CSNK2A2: variants seen among roughly 807,000 people sequenced by gnomAD.
CSNK2A2 encodes casein kinase II subunit alpha'.
In CSNK2A2, 8 loss-of-function variants were observed where a neutral mutation model predicts 54.0. That is an observed-to-expected ratio of 0.15 (90% CI 0.09 to 0.27). The LOEUF (loss-of-function observed/expected upper bound fraction) is 0.27, where lower values mean the gene tolerates loss of function less well. CSNK2A2 is among the 10% of genes least tolerant of loss of function. The pLI, the probability that CSNK2A2 is intolerant of heterozygous loss-of-function variation, is 1.00. For missense variants in CSNK2A2, 242 were observed against 439.4 expected (o/e 0.55, Z 4.02); for synonymous variants, 141 against 153.9 (o/e 0.92, Z 0.62).
intron 3 of CSNK2A2, among the ~76,000 whole-genome samples, chr16:58,184,881 T>G (rs1404843228): frequency 1.3e-5 from 2 of 152,208 alleles, no homozygotes. Context: ...CGTGATATTA[T>G]CAATAAGCTA....
chr16:58,171,471 C>T (rs888315856), intron 5 of CSNK2A2, among the ~76,000 whole-genome samples: 14 of 151,750 alleles, frequency 9.2e-5, no homozygotes, highest in African/African-American at 2.9e-4. Context: ...TGCAGTGAGC[C>T]GAGATCATGC....
In CSNK2A2 at chr16:58,163,979, T is replaced by G. The variant is rs568101949; in HGVS notation, c.*17+75A>C. On this transcript the variant is annotated intron_variant, in intron 11 of 11. Transcript: ENST00000262506. ...AGAAGGAATGATAAGAATTTCTTTT[T>G]ATCACACTGTAGTTTTCCTTCAAGG... is the stretch of plus-strand genomic sequence containing the variant. 2.6e-6 allele frequency: 3 copies of G among 1,146,254 alleles called. No homozygotes were observed. In the East Asian group the frequency reaches 7.2e-5, roughly 28 times the overall value. The allele number at this position is 1,146,254 out of a possible 1,614,324, so 71.0% of individuals were successfully genotyped here.
chr16:58,186,707 T>G (rs1328091916), intron 3 of CSNK2A2, 48 bp downstream of exon 3: 2 of 1,373,050 alleles, frequency 1.5e-6, no homozygotes, highest in Admixed American at 3.5e-5. Flanking sequence ...AACTCCCATA[T>G]CCACACCCCG....
intron 5 of CSNK2A2, among the ~76,000 whole-genome samples, chr16:58,171,979 ATTTTTTTTTTT>A (rs746200172): frequency 1.5e-5 from 1 of 66,216 alleles, no homozygotes; most frequent in African/African-American, 8.4e-5. Flanking sequence ...ATATATATAT[ATTTTTTTTTTT>A]TTTTTTTTTT....
chr16:58,168,983 G>C (rs1172610813), intron 5 of CSNK2A2, among the ~76,000 whole-genome samples: 6 of 151,654 alleles, frequency 4.0e-5, no homozygotes, highest in Admixed American at 3.9e-4. Flanking sequence ...CTGGAGTGCA[G>C]TGGTGCAATC....
At chr16:58,167,071 ATCTT>A in intron 8 of CSNK2A2, 132 bp downstream of exon 8, 3 of 572,134 alleles carry the variant, frequency 5.2e-6, no homozygotes, top group Non-Finnish European at 8.9e-6. Context: ...ATTCTGTGCG[ATCTT>A]TATCTTGAAG....
chr16:58,195,098 G>C (rs1962401309), intron 2 of CSNK2A2, among the ~76,000 whole-genome samples: 1 of 151,236 alleles, frequency 6.6e-6, no homozygotes, highest in South Asian at 2.1e-4. Context: ...TTATTTCTTA[G>C]ATTTGAAGCA....
In CSNK2A2 at chr16:58,184,225, C is replaced by T. The variant is rs112704813; in HGVS notation, c.369+35G>A. The T allele has an allele frequency of 3.2e-4, 491 of 1,555,734 alleles. 3 individuals carry two copies. In the African/African-American group the frequency reaches 6.1e-3, roughly 19 times the overall value. ...ATTTATCACCAGCTCCCCCTCACCC[C>T]GTTAACCCCATGCCAGAAAGAAAAG... is the stretch of plus-strand genomic sequence containing the variant. On this transcript the variant is annotated intron_variant, in intron 4 of 11. Coordinates refer to ENST00000262506, the MANE Select transcript of CSNK2A2 (RefSeq NM_001896.4).
At chr16:58,168,561 T>C in intron 6 of CSNK2A2, 49 bp downstream of exon 6, 1 of 1,536,882 alleles carries the variant, frequency 6.5e-7, no homozygotes, top group Non-Finnish European at 9.0e-7. Context: ...CTTTTTGGTC[T>C]GCTCTAAGCC....
At chr16:58,181,260 C>A (rs1962032826) in intron 4 of CSNK2A2, among the ~76,000 whole-genome samples, 2 of 152,216 alleles carry the variant, frequency 1.3e-5, no homozygotes, top group Non-Finnish European at 2.9e-5. Context: ...CAGCTTCAAA[C>A]TGAACAACCT....
At chr16:58,161,631 G>C (rs551848806) in intron 11 of CSNK2A2, 1 of 151,998 alleles carries the variant, frequency 6.6e-6, no homozygotes, top group South Asian at 2.1e-4. Context: ...TAGGTAAATA[G>C]TCTTAAAATT....
rs1962512050 is a variant in CSNK2A2, at chr16:58,197,802, G to C, written c.-66C>G. The C allele has an allele frequency of 1.1e-5, 4 of 369,364 alleles. No individual in the cohort carries two copies. In the Admixed American group the frequency reaches 2.7e-4, roughly 25 times the overall value. 22.9% of individuals were successfully genotyped at this position (369,364 alleles called of 1,614,324 possible). Reference sequence around the variant, plus strand: ...GCGGCGGCGGCGCGGCGGGGGACGCGGGGCGTCGGGCGGAGGAGGCAGCGG... The same window carrying C: ...GCGGCGGCGGCGCGGCGGGGGACGCCGGGCGTCGGGCGGAGGAGGCAGCGG... On this transcript the variant is annotated 5_prime_UTR_variant, in exon 1 of 12. Coordinates refer to ENST00000262506, the MANE Select transcript of CSNK2A2 (RefSeq NM_001896.4). The surrounding 1 kb of genome is among the most constrained non-coding windows in gnomAD (Gnocchi z 4.0).
intron 2 of CSNK2A2, among the ~76,000 whole-genome samples, chr16:58,196,517 G>C (rs1962454195): frequency 6.6e-6 from 1 of 152,166 alleles, no homozygotes; most frequent in Non-Finnish European, 1.5e-5. Context: ...AGCTACTTGG[G>C]AGGCTGAGAT....
chr16:58,174,718 G>A (rs1961831038), intron 4 of CSNK2A2, among the ~76,000 whole-genome samples: 1 of 152,050 alleles, frequency 6.6e-6, no homozygotes, highest in African/African-American at 2.4e-5. Context: ...AAAAATGGAA[G>A]GAATTCCAAG....
chr16:58,171,980 T>TA (rs1555505772), intron 5 of CSNK2A2, among the ~76,000 whole-genome samples: 746 of 36,572 alleles, frequency 0.02, 7 homozygotes, highest in African/African-American at 0.055. Flanking sequence ...TATATATATA[T>TA]TTTTTTTTTT....
At chr16:58,182,002 A>G (rs563540641) in intron 4 of CSNK2A2, among the ~76,000 whole-genome samples, 24 of 152,300 alleles carry the variant, frequency 1.6e-4, no homozygotes, top group African/African-American at 5.1e-4. Flanking sequence ...TATAACCTAG[A>G]ACTCTATACC....
intron 3 of CSNK2A2, among the ~76,000 whole-genome samples, chr16:58,185,271 C>T (rs1597121876): frequency 6.6e-6 from 1 of 152,268 alleles, no homozygotes; most frequent in East Asian, 1.9e-4. Context: ...AACAGCAGCC[C>T]CAGTAGCAGC....
At chr16:58,159,918 T>TA (rs890792915) in intron 11 of CSNK2A2, 26 of 152,338 alleles carry the variant, frequency 1.7e-4, no homozygotes, top group African/African-American at 6.0e-4. Flanking sequence ...TTTTTCTTTT[T>TA]AAAAAACAAT....
chr16:58,173,812 A>G (rs995987907), intron 5 of CSNK2A2, among the ~76,000 whole-genome samples: 1 of 152,128 alleles, frequency 6.6e-6, no homozygotes, highest in African/African-American at 2.4e-5. Context: ...CCATGCTTTG[A>G]AGCTAGGCTT....
Sources: allele counts gnomAD v4.1 joint callset (sites outside exome capture counted in the v4.1 genomes callset), GRCh38; gene constraint gnomAD v4.1.1; non-coding constraint Gnocchi (gnomAD v3.1); transcripts MANE v1.5; gene names NCBI Gene and HGNC (gene_info 2026-07-23, HGNC 2026-07-21).